ADGRG7: variants seen among roughly 807,000 people sequenced by gnomAD.
ADGRG7 encodes the protein adhesion G protein-coupled receptor G7, also known as G-protein coupled receptor 128.
A neutral mutation model predicts 88.6 loss-of-function variants in ADGRG7; 82 were observed. The observed-to-expected ratio is 0.93, with a 90% CI of 0.77 to 1.11. The LOEUF (loss-of-function observed/expected upper bound fraction) is 1.11, where lower values mean the gene tolerates loss of function less well. ADGRG7 is among the 50% of genes most tolerant of loss of function. The probability of loss-of-function intolerance (pLI) is 0.00; values close to 1 mark genes in which losing one functional copy is unlikely to be tolerated. For missense variants in ADGRG7, 945 were observed against 953.4 expected (o/e 0.99, Z 0.12); for synonymous variants, 381 against 345.2 (o/e 1.10, Z -1.15).
At chr3:100,622,591 C>T (rs968117403) in intron 1 of ADGRG7, among the ~76,000 whole-genome samples, 6 of 152,060 alleles carry the variant, frequency 3.9e-5, no homozygotes, top group Non-Finnish European at 8.8e-5. Flanking sequence ...TTAAAAAAAG[C>T]GGGCTGCTTG....
chr3:100,683,826 T>A (rs527237966), intron 15 of ADGRG7, among the ~76,000 whole-genome samples: 1 of 152,352 alleles, frequency 6.6e-6, no homozygotes, highest in South Asian at 2.1e-4. Flanking sequence ...AGTTCTCAAA[T>A]TATTTTTTTA....
chr3:100,695,266 T>C lies in ADGRG7; in HGVS notation c.*265T>C. 1 of 353,666 alleles carries C rather than the reference T, an allele frequency of 2.8e-6. No individual in the cohort carries two copies. Among genetic ancestry groups the C allele is most frequent in the South Asian group, 5.4e-5 (1 of 18,666 alleles). The allele number at this position is 353,666 out of a possible 1,614,324, so 21.9% of individuals were successfully genotyped here. On this transcript the variant is annotated 3_prime_UTR_variant, in exon 16 of 16. Transcript: ENST00000273352. ...ATTGTTCCTTATATCGTTAAATCTTTGTGACACACTTTGACAAAAATGTAG... is the reference window on the plus strand; with the variant it reads ...ATTGTTCCTTATATCGTTAAATCTTCGTGACACACTTTGACAAAAATGTAG...
At chr3:100,613,188 C>A (rs1707180051) in intron 1 of ADGRG7, among the ~76,000 whole-genome samples, 2 of 152,182 alleles carry the variant, frequency 1.3e-5, no homozygotes, top group South Asian at 2.1e-4. Context: ...CCGCACCTGG[C>A]CTGATAATTC....
chr3:100,631,479 G>A (rs1707459001), intron 3 of ADGRG7, among the ~76,000 whole-genome samples: 3 of 152,224 alleles, frequency 2.0e-5, no homozygotes, highest in Middle Eastern at 3.4e-3. Context: ...GATAACCAGA[G>A]CCTATTATGC....
Position 100,655,126 on chromosome 3 carries a change from G to T in ADGRG7, c.1671G>T (p.Arg557Ser), listed in dbSNP as rs1350770861. Residue 557 changes from arginine to serine, a missense_variant, in exon 12 of 16, where the codon AGG (arginine) becomes AGT (serine). Physicochemically the swap from Arg to Ser is moderately radical, Grantham distance 110. Coordinates refer to ENST00000273352, the MANE Select transcript of ADGRG7 (RefSeq NM_032787.3). ...SAAQLYYLLIRTMKPLPRHFI... is the reference protein window; with the variant it reads ...SAAQLYYLLISTMKPLPRHFI... ...CACAGCTCTATTACCTTCTAATAAG[G>T]ACCATGAAGCCTCTTCCTCGGCATT... The T allele has an allele frequency of 1.2e-6, 2 of 1,613,718 alleles. No individual in the cohort carries two copies. The highest frequency in any genetic ancestry group is 2.7e-5 in the African/African-American group (2 of 74,876).
At chr3:100,637,482 C>G (rs1273588606) in intron 6 of ADGRG7, 80 bp downstream of exon 6, 4 of 910,296 alleles carry the variant, frequency 4.4e-6, no homozygotes, top group Non-Finnish European at 7.1e-6. Flanking sequence ...ACAGAGATAT[C>G]TTTATTTCTC....
At position 100,630,704 on chromosome 3, in the gene ADGRG7, G is replaced by T; in HGVS notation, c.230-1G>T. 1 of 1,353,244 alleles carries T rather than the reference G, an allele frequency of 7.4e-7. No individual in the cohort carries two copies. The highest frequency in any genetic ancestry group is 9.7e-7 in the Non-Finnish European group (1 of 1,028,926). 83.8% of individuals were successfully genotyped at this position (1,353,244 alleles called of 1,614,324 possible). A position where few individuals can be genotyped will look rare whatever the true frequency, so the allele number is the denominator to read the frequency against. On this transcript the variant is annotated splice_acceptor_variant, in intron 2 of 15. Coordinates refer to ENST00000273352, the MANE Select transcript of ADGRG7 (RefSeq NM_032787.3). LOFTEE classifies it high-confidence loss of function. The stretch of plus-strand genomic sequence containing the variant: ...TAAAGAACTTTTTCTCTTTATTACA[G>T]CTAATTTTTGTGAAAATAGTACCTA...
chr3:100,622,499 T>C (rs569765311), intron 1 of ADGRG7, among the ~76,000 whole-genome samples: 430 of 152,290 alleles, frequency 2.8e-3, no homozygotes, highest in Non-Finnish European at 5.5e-3. Context: ...CTCTGATGAC[T>C]AAGATGCTGA....
chr3:100,620,895 CA>C (rs1462730576), intron 1 of ADGRG7, among the ~76,000 whole-genome samples: 4 of 151,778 alleles, frequency 2.6e-5, no homozygotes, highest in African/African-American at 7.3e-5. Context: ...CTGTTGGTCC[CA>C]TTTTTCCAAT....
At chr3:100,614,021 G>A (rs1239848285) in intron 1 of ADGRG7, among the ~76,000 whole-genome samples, 1 of 152,132 alleles carries the variant, frequency 6.6e-6, no homozygotes, top group African/African-American at 2.4e-5. Context: ...AAACCCATGA[G>A]GCTTAAATGA....
At chr3:100,682,196 C>T (rs1490214732) in intron 15 of ADGRG7, among the ~76,000 whole-genome samples, 1 of 152,124 alleles carries the variant, frequency 6.6e-6, no homozygotes, top group Non-Finnish European at 1.5e-5. Context: ...CCGGGAGCTG[C>T]CCTGATGGGG....
chr3:100,642,391 C>G (rs1707655663), intron 6 of ADGRG7, among the ~76,000 whole-genome samples: 2 of 152,184 alleles, frequency 1.3e-5, no homozygotes, highest in African/African-American at 2.4e-5. Context: ...ATTATGTTCT[C>G]TTTATAAAGC....
intron 10 of ADGRG7, 134 bp from the exon 11 acceptor site, chr3:100,649,561 T>A: frequency 1.8e-6 from 1 of 560,432 alleles, no homozygotes; most frequent in Non-Finnish European, 3.2e-6. Flanking sequence ...TTTAAATATA[T>A]CATGAGCTTT....
chr3:100,662,621 G>C (rs2094946953), intron 14 of ADGRG7, among the ~76,000 whole-genome samples: 1 of 152,058 alleles, frequency 6.6e-6, no homozygotes, highest in Non-Finnish European at 1.5e-5. Context: ...ATTACCAGTT[G>C]ATTTTATCTT....
intron 15 of ADGRG7, among the ~76,000 whole-genome samples, chr3:100,689,784 C>G (rs1270559603): frequency 6.6e-6 from 1 of 152,168 alleles, no homozygotes; most frequent in Non-Finnish European, 1.5e-5. Flanking sequence ...GTAACCCAAC[C>G]TTTGTCTCTG....
intron 1 of ADGRG7, among the ~76,000 whole-genome samples, chr3:100,616,683 T>C (rs1466470199): frequency 2.0e-5 from 3 of 152,082 alleles, no homozygotes; most frequent in Admixed American, 6.6e-5. Flanking sequence ...TAACCAGGCG[T>C]AGTGGCGCCT....
At chr3:100,677,152 CCTCTT>C (rs1239356044) in intron 15 of ADGRG7, among the ~76,000 whole-genome samples, 10 of 151,952 alleles carry the variant, frequency 6.6e-5, no homozygotes, top group East Asian at 3.9e-4. Flanking sequence ...TTTCTGGTCT[CCTCTT>C]CTTTTCTGTC....
intron 1 of ADGRG7, among the ~76,000 whole-genome samples, chr3:100,618,785 T>C (rs1249305739): frequency 1.5e-5 from 2 of 135,330 alleles, no homozygotes; most frequent in Admixed American, 1.4e-4. Flanking sequence ...GGTGATGGCA[T>C]TGATCTATAA....
chr3:100,617,746 G>A (rs545878215), intron 1 of ADGRG7, among the ~76,000 whole-genome samples: 6 of 152,152 alleles, frequency 3.9e-5, no homozygotes, highest in Admixed American at 6.5e-5. Context: ...GGGATGGCTG[G>A]GTCAAATGGT....
Sources: gnomAD v4.1 joint callset for allele counts (sites outside exome capture counted in the v4.1 genomes callset) on GRCh38, gnomAD v4.1.1 for gene constraint, MANE v1.5 for transcripts, NCBI Gene and HGNC (gene_info 2026-07-23, HGNC 2026-07-21) for gene names.